NCAM2: variants seen among roughly 807,000 people sequenced by gnomAD.
NCAM2 encodes N-CAM-2.
A neutral mutation model predicts 98.1 loss-of-function variants in NCAM2; 30 were observed. That is an observed-to-expected ratio of 0.31 (90% confidence interval 0.23 to 0.41). The LOEUF (loss-of-function observed/expected upper bound fraction) is 0.41. NCAM2 is among the 10% of genes least tolerant of loss of function. The pLI is 1.00. For synonymous variants in NCAM2, 368 were observed against 342.4 expected, an observed-to-expected ratio of 1.07 and a Z score of -0.83; for missense variants, 867 against 1,005.8, an observed-to-expected ratio of 0.86 and a Z score of 1.87.
At chr21:21,035,725 G>A (rs2064784120) in intron 1 of NCAM2, among the ~76,000 whole-genome samples, 1 of 152,104 alleles carries the variant, frequency 6.6e-6, no homozygotes, top group Non-Finnish European at 1.5e-5. Flanking sequence ...AAGAGTGTTT[G>A]ATAAGAGTAT....
chr21:21,441,843 A>C (rs1289269321), intron 12 of NCAM2, among the ~76,000 whole-genome samples: 2 of 152,258 alleles, frequency 1.3e-5, no homozygotes, highest in African/African-American at 4.8e-5. Flanking sequence ...GTTGCACTAG[A>C]GAGAAAAAAT....
intron 1 of NCAM2, among the ~76,000 whole-genome samples, chr21:21,021,493 G>A (rs1445700479): frequency 6.6e-6 from 1 of 152,140 alleles, no homozygotes; most frequent in Non-Finnish European, 1.5e-5. Context: ...TCAATACATA[G>A]ACATGTAAGA....
intron 6 of NCAM2, among the ~76,000 whole-genome samples, chr21:21,330,693 C>CTCTGTTTT (rs968004683): frequency 2.0e-5 from 3 of 151,720 alleles, no homozygotes; most frequent in Non-Finnish European, 4.4e-5. Context: ...ATTCAGTTCT[C>CTCTGTTTT]TCTGTTTTGC....
At chr21:21,468,564 A>T (rs1260837828) in intron 13 of NCAM2, 98 bp from the exon 14 acceptor site, 12 of 1,183,508 alleles carry the variant, frequency 1.0e-5, no homozygotes, top group Non-Finnish European at 1.4e-5. Context: ...GGATAACACC[A>T]TATATTTTGA....
intron 1 of NCAM2, among the ~76,000 whole-genome samples, chr21:21,279,582 C>T (rs981910547): frequency 6.6e-6 from 1 of 152,154 alleles, no homozygotes; most frequent in Non-Finnish European, 1.5e-5. Context: ...TGGTCTCAAA[C>T]TCCTGACCTT....
chr21:21,524,703 C>T (rs1423384610), intron 16 of NCAM2, among the ~76,000 whole-genome samples: 2 of 152,108 alleles, frequency 1.3e-5, no homozygotes, highest in African/African-American at 4.8e-5. Flanking sequence ...CCAATAACAG[C>T]AGAATGCATA....
intron 6 of NCAM2, among the ~76,000 whole-genome samples, chr21:21,332,691 T>A (rs2074748693): frequency 6.6e-6 from 1 of 152,098 alleles, no homozygotes; most frequent in African/African-American, 2.4e-5. Flanking sequence ...TTCTGTCGCT[T>A]TGACCTCCCC....
intron 1 of NCAM2, 56 bp downstream of exon 1, chr21:20,998,674 G>A: frequency 6.7e-7 from 1 of 1,496,930 alleles, no homozygotes; most frequent in Non-Finnish European, 9.3e-7. Flanking sequence ...ACCCGGCCAA[G>A]AGAGGCAAAG....
At chr21:21,083,696 T>A (rs6518069) in intron 1 of NCAM2, among the ~76,000 whole-genome samples, 1 of 152,130 alleles carries the variant, frequency 6.6e-6, no homozygotes, top group Non-Finnish European at 1.5e-5. Context: ...ATTACAGATG[T>A]GAGCCACCAC....
chr21:21,177,753 T>G (rs936579350), intron 1 of NCAM2, among the ~76,000 whole-genome samples: 2 of 149,504 alleles, frequency 1.3e-5, no homozygotes, highest in African/African-American at 4.9e-5. Context: ...CTCCTTTCCC[T>G]TCCCCTCTCT....
At chr21:21,222,147 A>G (rs2070195510) in intron 1 of NCAM2, among the ~76,000 whole-genome samples, 2 of 152,160 alleles carry the variant, frequency 1.3e-5, no homozygotes, top group Non-Finnish European at 2.9e-5. Context: ...CCTACTACGC[A>G]AGAAAAAAGA....
intron 1 of NCAM2, among the ~76,000 whole-genome samples, chr21:21,079,240 G>A (rs967960592): frequency 6.6e-6 from 1 of 152,112 alleles, no homozygotes; most frequent in Non-Finnish European, 1.5e-5. Flanking sequence ...GAATTCAGTT[G>A]CATATGAACT....
chr21:21,017,867 TTG>T lies in NCAM2; in HGVS notation c.55+19259_55+19260del, dbSNP rs145210739. Among the ~76,000 whole-genome samples, 213 of 152,150 alleles carry T rather than the reference TTG, an allele frequency of 1.4e-3. 1 individual carries two copies. In the East Asian group the frequency reaches 0.024, roughly 17 times the overall value. On this transcript the variant is annotated intron_variant, in intron 1 of 17. Transcript: ENST00000400546. Reference sequence around the variant, plus strand: ...TTTGTATAGGTCTGTGTATATATATTTGTGTGTGTGTATATACTTATACACAT... The same window carrying T: ...TTTGTATAGGTCTGTGTATATATATTTGTGTGTGTATATACTTATACACAT...
chr21:21,372,937 AC>A (rs1460951984), intron 8 of NCAM2, among the ~76,000 whole-genome samples: 1 of 151,876 alleles, frequency 6.6e-6, no homozygotes, highest in Non-Finnish European at 1.5e-5. Context: ...TTTAAAATTT[AC>A]TTTTCAATAC....
At chr21:21,153,426 A>G (rs996874381) in intron 1 of NCAM2, among the ~76,000 whole-genome samples, 3 of 151,886 alleles carry the variant, frequency 2.0e-5, no homozygotes, top group Non-Finnish European at 4.4e-5. Flanking sequence ...CTTGCCTTGT[A>G]TATATGCATA....
At chr21:21,064,787 A>G (rs183620270) in intron 1 of NCAM2, among the ~76,000 whole-genome samples, 305 of 152,342 alleles carry the variant, frequency 2.0e-3, no homozygotes, top group African/African-American at 7.0e-3. Context: ...GACTGCTACT[A>G]TATTTTTCAG....
intron 1 of NCAM2, among the ~76,000 whole-genome samples, chr21:21,220,543 TTCCAGAAGGTATC>T (rs1183745306): frequency 6.6e-6 from 1 of 152,192 alleles, no homozygotes; most frequent in African/African-American, 2.4e-5. Flanking sequence ...AGGACACATT[TTCCAGAAGGTATC>T]TCCATCATTA....
intron 1 of NCAM2, among the ~76,000 whole-genome samples, chr21:21,074,846 A>T (rs2065646724): frequency 6.6e-6 from 1 of 152,120 alleles, no homozygotes; most frequent in African/African-American, 2.4e-5. Flanking sequence ...TGATGGTTTT[A>T]TGTGTGTGAA....
chr21:21,483,679 A>T (rs1336298519), intron 15 of NCAM2, among the ~76,000 whole-genome samples: 1 of 152,134 alleles, frequency 6.6e-6, no homozygotes, highest in Non-Finnish European at 1.5e-5. Context: ...GGGAAACTTC[A>T]TCTTAACCCT....
Sources: allele counts gnomAD v4.1 joint callset (sites outside exome capture counted in the v4.1 genomes callset), GRCh38; gene constraint gnomAD v4.1.1; transcripts MANE v1.5; gene names NCBI Gene and HGNC (gene_info 2026-07-23, HGNC 2026-07-21).